MFF: variants seen among roughly 807,000 people sequenced by gnomAD.
MFF encodes chromosome 2 open reading frame 33.
MFF carries 12 observed loss-of-function variants against 36.9 expected under a neutral mutation model. That is an observed-to-expected ratio of 0.33 (90% confidence interval 0.21 to 0.53). MFF has a LOEUF of 0.53. MFF is among the 20% of genes least tolerant of loss of function. The pLI, the probability that MFF is intolerant of heterozygous loss-of-function variation, is 0.95. For missense variants in MFF, 348 were observed against 366.6 expected, an observed-to-expected ratio of 0.95 and a Z score of 0.42; for synonymous variants, 99 against 126.2, an observed-to-expected ratio of 0.78 and a Z score of 1.44.
At chr2:227,345,851 T>G (rs1432426571) in intron 5 of MFF, among the ~76,000 whole-genome samples, 1 of 152,170 alleles carries the variant, frequency 6.6e-6, no homozygotes, top group African/African-American at 2.4e-5. Flanking sequence ...ATCTGAAAAT[T>G]TGAGTTTATC....
At position 227,338,110 on chromosome 2, in the gene MFF, G is replaced by A. The variant is rs542446490; in HGVS notation, c.352-2182G>A. On this transcript the variant is annotated intron_variant, in intron 4 of 8. Coordinates refer to ENST00000304593, the MANE Select transcript of MFF (RefSeq NM_001277062.2). ...AGGCCGGGCATGGTGGCTCACACCT[G>A]TAATCCCAGTACTTTGGGAGGCCAA... Among the ~76,000 whole-genome samples the A allele has an allele frequency of 2.0e-5, 3 of 151,806 alleles. No homozygotes were observed. The East Asian group carries it at 5.9e-4, about 30-fold the overall frequency.
chr2:227,347,134 T>G, intron 5 of MFF, 92 bp from the exon 6 acceptor site: 2 of 1,113,982 alleles, frequency 1.8e-6, no homozygotes, highest in East Asian at 4.8e-5. Context: ...GCAAGAACAC[T>G]AAGAAAATTA....
At chr2:227,338,293 C>T (rs1031014492) in intron 4 of MFF, among the ~76,000 whole-genome samples, 2 of 151,190 alleles carry the variant, frequency 1.3e-5, no homozygotes, top group African/African-American at 4.9e-5. Context: ...TGCTTGAACC[C>T]AGGAGGTGTA....
intron 5 of MFF, chr2:227,342,846 A>T: frequency 1.3e-6 from 2 of 1,588,376 alleles, no homozygotes; most frequent in Non-Finnish European, 1.7e-6. Context: ...TCTGCTTTTG[A>T]CAAGTAGTTG....
At chr2:227,335,312 G>C (rs2074913856) in intron 4 of MFF, among the ~76,000 whole-genome samples, 1 of 152,060 alleles carries the variant, frequency 6.6e-6, no homozygotes, top group Non-Finnish European at 1.5e-5. Flanking sequence ...CCAAATGAAT[G>C]AAGACAGGAT....
intron 1 of MFF, among the ~76,000 whole-genome samples, chr2:227,327,242 G>C (rs1026379505): frequency 6.6e-6 from 1 of 152,078 alleles, no homozygotes; most frequent in Admixed American, 6.5e-5. Flanking sequence ...GGCTTAGAAA[G>C]TAGAAATATG....
intron 5 of MFF, among the ~76,000 whole-genome samples, chr2:227,343,446 A>G (rs2075526524): frequency 6.6e-6 from 1 of 152,200 alleles, no homozygotes; most frequent in Non-Finnish European, 1.5e-5. Context: ...ACCGAAAGCC[A>G]ACAGTTTTCC....
At chr2:227,337,928 T>C (rs927474471) in intron 4 of MFF, among the ~76,000 whole-genome samples, 3 of 150,402 alleles carry the variant, frequency 2.0e-5, no homozygotes, top group African/African-American at 7.4e-5. Flanking sequence ...ACCTGTAATC[T>C]CAGCTACTCA....
chr2:227,354,543 A>G (rs1443590683), intron 7 of MFF, among the ~76,000 whole-genome samples: 1 of 152,256 alleles, frequency 6.6e-6, no homozygotes, highest in Non-Finnish European at 1.5e-5. Context: ...TTGTATCTCA[A>G]TGAAGCTATT....
In MFF at chr2:227,325,369, G is replaced by A. The variant is rs373411778; in HGVS notation, c.-211G>A. On this transcript the variant is annotated 5_prime_UTR_variant, in exon 1 of 9. Transcript: ENST00000304593. ...CAACCACCTCTGAGAGCGCCCACTC[G>A]AGCGCCCCGGGAGCCAGAGGGCGGG... The A allele has an allele frequency of 2.6e-5, 4 of 156,230 alleles. No homozygotes were observed. Among genetic ancestry groups the A allele is most frequent in the East Asian group, 1.9e-4 (1 of 5,190 alleles). 9.7% of individuals were successfully genotyped at this position (156,230 alleles called of 1,614,324 possible).
In MFF at chr2:227,340,377, C is replaced by G. The variant is rs770450779; in HGVS notation, c.437C>G (p.Ser146Cys). 6.2e-7 allele frequency: 1 copy of G among 1,611,506 alleles called. No individual in the cohort carries two copies. The highest frequency in any genetic ancestry group is 1.7e-5 in the Admixed American group (1 of 59,994). Residue 146 changes from serine to cysteine, a missense_variant, in exon 5 of 9, where the codon TCT becomes TGT. Transcript: ENST00000304593. ...RQNGQLVRND[S>C]LVTPSPQQAR... Reference sequence around the variant, plus strand: ...AATGGACAGCTGGTCAGAAATGATTCTCTGTGAGTAGAAGCACTAGCATTT... The same window carrying G: ...AATGGACAGCTGGTCAGAAATGATTGTCTGTGAGTAGAAGCACTAGCATTT...
chr2:227,340,091 G>T (rs1485036675), intron 4 of MFF, among the ~76,000 whole-genome samples: 2 of 150,888 alleles, frequency 1.3e-5, no homozygotes, highest in South Asian at 4.2e-4. Flanking sequence ...TAGTAAGTAG[G>T]GTGTGTGTGT....
intron 2 of MFF, chr2:227,329,759 C>G (rs1215438566): frequency 6.3e-7 from 1 of 1,580,698 alleles, no homozygotes; most frequent in Admixed American, 1.7e-5. Flanking sequence ...AGTAAAGGAA[C>G]AAGCAGTGAC....
intron 5 of MFF, among the ~76,000 whole-genome samples, chr2:227,346,565 C>T (rs910759862): frequency 1.3e-5 from 2 of 152,154 alleles, no homozygotes; most frequent in Non-Finnish European, 2.9e-5. Flanking sequence ...AAGAAGTGTC[C>T]TTGCCTTCTT....
At chr2:227,342,043 A>G (rs981894495) in intron 5 of MFF, among the ~76,000 whole-genome samples, 5 of 152,222 alleles carry the variant, frequency 3.3e-5, no homozygotes, top group African/African-American at 7.2e-5. Flanking sequence ...TAAGTTCCTC[A>G]TAACAGAAAA....
intron 7 of MFF, among the ~76,000 whole-genome samples, chr2:227,353,634 T>C (rs1220437039): frequency 6.6e-6 from 1 of 152,232 alleles, no homozygotes; most frequent in Non-Finnish European, 1.5e-5. Flanking sequence ...TAACTTAGCA[T>C]TAGAGTTTTT....
chr2:227,343,510 A>C (rs1454573538), intron 5 of MFF, among the ~76,000 whole-genome samples: 1 of 152,176 alleles, frequency 6.6e-6, no homozygotes, highest in East Asian at 1.9e-4. Flanking sequence ...TGCCATAGAT[A>C]GTGGCAATAT....
At chr2:227,354,412 G>A (rs1431079771) in intron 7 of MFF, among the ~76,000 whole-genome samples, 2 of 152,050 alleles carry the variant, frequency 1.3e-5, no homozygotes, top group Admixed American at 1.3e-4. Context: ...GACTACACAG[G>A]AATAACTTTT....
intron 8 of MFF, among the ~76,000 whole-genome samples, 159 bp from the exon 9 acceptor site, chr2:227,356,827 T>C (rs1240814852): frequency 6.6e-6 from 1 of 152,258 alleles, no homozygotes; most frequent in Non-Finnish European, 1.5e-5. Flanking sequence ...CATGTTTTTC[T>C]ATGTGTAGTT....
Sources: allele counts gnomAD v4.1 joint callset (sites outside exome capture counted in the v4.1 genomes callset), GRCh38; gene constraint gnomAD v4.1.1; transcripts MANE v1.5; gene names NCBI Gene and HGNC (gene_info 2026-07-23, HGNC 2026-07-21).